The following KIAA1549 variants were observed in gnomAD, a reference collection of about 807,000 sequenced individuals.
KIAA1549 encodes the protein KIAA1549.
KIAA1549 carries 70 observed loss-of-function variants against 156.4 expected under a neutral mutation model. The observed-to-expected ratio is 0.45, with a 90% CI of 0.37 to 0.55. The LOEUF (loss-of-function observed/expected upper bound fraction) is 0.55. Among genes scored for constraint, KIAA1549 ranks in the 20% least tolerant of loss-of-function variants. The pLI is 0.00. For synonymous variants in KIAA1549, 1,103 were observed against 1,066.4 expected (o/e 1.03, Z -0.67); for missense variants, 2,428 against 2,540.9 (o/e 0.96, Z 0.96).
intron 1 of KIAA1549, among the ~76,000 whole-genome samples, chr7:138,954,475 A>T (rs1343600993): frequency 6.6e-6 from 1 of 152,204 alleles, no homozygotes; most frequent in African/African-American, 2.4e-5. Flanking sequence ...ACAAGCTGGC[A>T]TCCTTAACAG....
In KIAA1549 at chr7:138,918,502, G is replaced by A. The variant is rs1812424506; in HGVS notation, c.1124C>T (p.Thr375Ile). ...PLAFASSASP[T>I]DVSSNPFLPS... ...GAGAAAGGGGTTAGATGAAACATCA[G>A]TTGGTGAAGCAGAGGACGCAAATGC... The change falls in exon 2 of 20, where the codon ACT (threonine) becomes ATT (isoleucine). Residue 375 changes from threonine (T) to isoleucine (I), a missense_variant. Thr to Ile is a moderately conservative substitution (Grantham distance 89). Transcript: ENST00000422774. This position sits in a 1 kb window ranked among gnomAD's most constrained non-coding sequence, Gnocchi z 4.2. The A allele has an allele frequency of 6.2e-7, 1 of 1,613,940 alleles. No individual in the cohort carries two copies. The highest frequency in any genetic ancestry group is 1.1e-5 in the South Asian group (1 of 91,092).
At chr7:138,863,861 G>A (rs1810658844) in intron 15 of KIAA1549, among the ~76,000 whole-genome samples, 1 of 152,166 alleles carries the variant, frequency 6.6e-6, no homozygotes, top group African/African-American at 2.4e-5. Flanking sequence ...TGTCACTGAG[G>A]AATCCTAATT....
chr7:138,875,613 C>G (rs982388375), intron 12 of KIAA1549, among the ~76,000 whole-genome samples: 1 of 151,620 alleles, frequency 6.6e-6, no homozygotes, highest in Non-Finnish European at 1.5e-5. Context: ...CCACTGCACT[C>G]GAGACTGGGT....
At position 138,977,799 on chromosome 7, in the gene KIAA1549, G is replaced by A. The variant is rs138170198; in HGVS notation, c.187+3284C>T. 4.2e-3 allele frequency among the ~76,000 whole-genome samples: 645 copies of A among 151,946 alleles called. 3 individuals are homozygous for A. Among genetic ancestry groups the A allele is most frequent in the African/African-American group, 0.015 (609 of 41,444 alleles). On this transcript the variant is annotated intron_variant, in intron 1 of 19. Coordinates refer to ENST00000422774, the MANE Select transcript of KIAA1549 (RefSeq NM_001164665.2). ...ACTGCAACCTCTGCCTCCCTGGTTC[G>A]AGCAATTCTCCTGCCTCAGCCTCCC...
chr7:138,866,907 A>T (rs1431395197), intron 15 of KIAA1549, among the ~76,000 whole-genome samples: 2 of 152,194 alleles, frequency 1.3e-5, no homozygotes, highest in Non-Finnish European at 2.9e-5. Context: ...GGCTGAAGCG[A>T]TTCTCCCACC....
chr7:138,895,143 G>A (rs146438148), intron 9 of KIAA1549, among the ~76,000 whole-genome samples: 1 of 152,320 alleles, frequency 6.6e-6, no homozygotes, highest in African/African-American at 2.4e-5. Flanking sequence ...ATGAACAAGC[G>A]AAATCCCTTG....
intron 9 of KIAA1549, among the ~76,000 whole-genome samples, chr7:138,897,216 C>T (rs529577094): frequency 1.3e-5 from 2 of 152,318 alleles, no homozygotes; most frequent in Admixed American, 6.5e-5. Context: ...TAACGAAGTG[C>T]TTTTGCTATT....
chr7:138,868,155 C>G (rs148394826), intron 14 of KIAA1549, 27 bp from the exon 15 acceptor site: 3 of 1,601,538 alleles, frequency 1.9e-6, no homozygotes, highest in Admixed American at 1.7e-5. Context: ...AAATTATCTT[C>G]GTAGGAAATC....
intron 1 of KIAA1549, among the ~76,000 whole-genome samples, chr7:138,941,432 T>G (rs1275736780): frequency 6.6e-6 from 1 of 152,164 alleles, no homozygotes. Context: ...ACAGCACCTT[T>G]CCAAAGAACA....
chr7:138,901,760 CT>C (rs1811850606), intron 8 of KIAA1549, among the ~76,000 whole-genome samples: 1 of 152,206 alleles, frequency 6.6e-6, no homozygotes, highest in Admixed American at 6.5e-5. Flanking sequence ...AACATTTTCA[CT>C]TTTACAAATT....
At position 138,917,385 on chromosome 7, in the gene KIAA1549, A is replaced by G; in HGVS notation, c.2241T>C (p.Ala747=). The G allele has an allele frequency of 6.2e-7, 1 of 1,613,994 alleles. No individual in the cohort carries two copies. Among genetic ancestry groups the G allele is most frequent in the South Asian group, 1.1e-5 (1 of 91,078 alleles). ...CAAGATAGGAGGTAGTTTCAATGAAAGCTGAGGTAAAATGAGCTTCTGAAT... is the reference window on the plus strand; with the variant it reads ...CAAGATAGGAGGTAGTTTCAATGAAGGCTGAGGTAAAATGAGCTTCTGAAT... ...LTDSEAHFTS[A]FIETTSYLES... is the part of the protein sequence containing the mutation. Residue 747 remains alanine (A), a synonymous_variant, in exon 2 of 20, where the codon GCT becomes GCC. Transcript: ENST00000422774.
At chr7:138,897,452 T>C (rs535904405) in intron 9 of KIAA1549, among the ~76,000 whole-genome samples, 47 of 152,322 alleles carry the variant, frequency 3.1e-4, no homozygotes, top group Non-Finnish European at 5.1e-4. Flanking sequence ...TTTTTAAAAA[T>C]TGTCTTTATC....
At chr7:138,947,261 G>A (rs777056412) in intron 1 of KIAA1549, among the ~76,000 whole-genome samples, 3 of 152,156 alleles carry the variant, frequency 2.0e-5, no homozygotes, top group East Asian at 3.8e-4. Flanking sequence ...TGGCTTCTAC[G>A]TACTGAATGC....
chr7:138,907,365 T>C (rs777850318), intron 5 of KIAA1549, among the ~76,000 whole-genome samples: 9 of 152,112 alleles, frequency 5.9e-5, no homozygotes, highest in African/African-American at 2.2e-4. Flanking sequence ...AACAATAAGC[T>C]GAACACAGGG....
chr7:138,864,852 C>G (rs1810686634), intron 15 of KIAA1549, among the ~76,000 whole-genome samples: 1 of 152,190 alleles, frequency 6.6e-6, no homozygotes, highest in South Asian at 2.1e-4. Flanking sequence ...GTCATATAGT[C>G]TGTCACAACC....
chr7:138,912,519 C>A, intron 2 of KIAA1549, 59 bp from the exon 3 acceptor site: 1 of 1,405,634 alleles, frequency 7.1e-7, no homozygotes, highest in Non-Finnish European at 1.0e-6. Flanking sequence ...AACAAACACA[C>A]CAGACTTCTG....
intron 1 of KIAA1549, among the ~76,000 whole-genome samples, chr7:138,954,187 A>C (rs1813588968): frequency 6.6e-6 from 1 of 152,264 alleles, no homozygotes; most frequent in Admixed American, 6.5e-5. Context: ...AATATGAAGC[A>C]GAGCGCATTC....
chr7:138,867,245 C>T (rs1344826865), intron 15 of KIAA1549, among the ~76,000 whole-genome samples: 1 of 152,198 alleles, frequency 6.6e-6, no homozygotes, highest in African/African-American at 2.4e-5. Flanking sequence ...GCCAGGCTAG[C>T]TCAGTCAGTA....
chr7:138,891,615 T>C (rs1811549065), intron 10 of KIAA1549, among the ~76,000 whole-genome samples: 2 of 152,186 alleles, frequency 1.3e-5, no homozygotes, highest in Admixed American at 1.3e-4. Flanking sequence ...TCTGAAGAGG[T>C]TTCCTTCTCG....
Sources: gnomAD v4.1 joint callset for allele counts (sites outside exome capture counted in the v4.1 genomes callset) on GRCh38, gnomAD v4.1.1 for gene constraint, Gnocchi (gnomAD v3.1) non-coding constraint, MANE v1.5 for transcripts, NCBI Gene and HGNC (gene_info 2026-07-23, HGNC 2026-07-21) for gene names.